Variants in USP37 observed in about 807,000 individuals in gnomAD.
USP37 encodes the protein ubiquitin carboxyl-terminal hydrolase 37.
Under a neutral mutation model 124.0 loss-of-function variants are expected in USP37, and 27 were observed. The ratio of observed to expected loss-of-function variants is 0.22; its 90% confidence interval spans 0.16 to 0.30. The LOEUF is 0.30. Ranked by LOEUF, USP37 falls within the 10% of genes least tolerant of loss-of-function variation. The probability of loss-of-function intolerance (pLI) is 1.00; values close to 1 mark genes in which losing one functional copy is unlikely to be tolerated. For missense variants in USP37, 889 were observed against 1,140.4 expected, an observed-to-expected ratio of 0.78 and a Z score of 3.17; for synonymous variants, 365 against 388.0, an observed-to-expected ratio of 0.94 and a Z score of 0.70.
Position 218,553,646 on chromosome 2 carries a change from T to C in USP37, c.235A>G (p.Asn79Asp). The C allele has an allele frequency of 6.2e-7, 1 of 1,614,114 alleles. No individual in the cohort carries two copies. Among genetic ancestry groups the C allele is most frequent in the Non-Finnish European group, 8.5e-7 (1 of 1,179,980 alleles). The change falls in exon 5 of 26, where the codon AAC (asparagine) becomes GAC (aspartate). Residue 79 changes from asparagine to aspartate, a missense_variant. Physicochemically the swap from Asn to Asp is conservative, Grantham distance 23. Coordinates refer to ENST00000258399, the MANE Select transcript of USP37 (RefSeq NM_020935.3). ...QSRLMLTLQD[N>D]SFLSIDKVPS... ...ACTTTGTCAATAGACAAGAAGCTGT[T>C]ATCTTGCAGAGTTAACATTAGGCGG...
chr2:218,548,526 T>G (rs1330929091), intron 6 of USP37, among the ~76,000 whole-genome samples: 6 of 150,940 alleles, frequency 4.0e-5, no homozygotes, highest in African/African-American at 1.5e-4. Flanking sequence ...TTTTTTTTTG[T>G]AGAGACAGGG....
intron 4 of USP37, 106 bp from the exon 5 acceptor site, chr2:218,553,830 C>T (rs1245966598): frequency 1.8e-6 from 2 of 1,117,434 alleles, no homozygotes; most frequent in Non-Finnish European, 2.4e-6. Context: ...ACATTTATCA[C>T]TCTTCCCCAC....
chr2:218,460,524 A>ATATG (rs1689960132), intron 22 of USP37, among the ~76,000 whole-genome samples: 1 of 152,214 alleles, frequency 6.6e-6, no homozygotes, highest in Non-Finnish European at 1.5e-5. Context: ...ATCCAATTTC[A>ATATG]CTAAATTCTA....
chr2:218,565,764 C>T (rs896896745), intron 1 of USP37, among the ~76,000 whole-genome samples: 1 of 152,096 alleles, frequency 6.6e-6, no homozygotes, highest in African/African-American at 2.4e-5. Flanking sequence ...ATTACAAGTT[C>T]TGGGCTGGGT....
chr2:218,479,249 C>G (rs920058829), intron 18 of USP37, among the ~76,000 whole-genome samples: 2 of 152,110 alleles, frequency 1.3e-5, no homozygotes, highest in African/African-American at 4.8e-5. Context: ...GACTGGCTAA[C>G]AACAGGTAAA....
intron 11 of USP37, among the ~76,000 whole-genome samples, chr2:218,509,105 G>A (rs1689841097): frequency 6.6e-6 from 1 of 152,170 alleles, no homozygotes; most frequent in Non-Finnish European, 1.5e-5. Flanking sequence ...ACTCTAGCCT[G>A]AATTACATTT....
chr2:218,558,789 G>T, intron 3 of USP37, 112 bp from the exon 4 acceptor site: 2 of 789,696 alleles, frequency 2.5e-6, no homozygotes, highest in South Asian at 1.8e-5. Flanking sequence ...TTTCTTCTGC[G>T]CCTTCATTTT....
intron 20 of USP37, among the ~76,000 whole-genome samples, chr2:218,470,095 C>T (rs990235952): frequency 6.6e-6 from 1 of 152,188 alleles, no homozygotes; most frequent in African/African-American, 2.4e-5. Flanking sequence ...GCTGGGATTA[C>T]AGGCGTGAGC....
intron 4 of USP37, among the ~76,000 whole-genome samples, chr2:218,556,790 G>A (rs1159817512): frequency 1.3e-5 from 2 of 151,930 alleles, no homozygotes; most frequent in East Asian, 3.9e-4. Context: ...TGGGATTACA[G>A]ACGTGAGCCA....
intron 11 of USP37, among the ~76,000 whole-genome samples, chr2:218,502,504 G>GA (rs1201810267): frequency 6.6e-6 from 1 of 151,828 alleles, no homozygotes; most frequent in Non-Finnish European, 1.5e-5. Flanking sequence ...AAAAAAATCT[G>GA]AAAAAATCAA....
At chr2:218,496,205 A>G (rs1689070385) in intron 13 of USP37, among the ~76,000 whole-genome samples, 1 of 152,086 alleles carries the variant, frequency 6.6e-6, no homozygotes, top group East Asian at 1.9e-4. Flanking sequence ...AGGCAGAAAA[A>G]TTTCTTGAAC....
intron 4 of USP37, 117 bp from the exon 5 acceptor site, chr2:218,553,841 A>G: frequency 1.9e-6 from 2 of 1,068,468 alleles, no homozygotes; most frequent in Non-Finnish European, 2.5e-6. Flanking sequence ...TCTTCCCCAC[A>G]GTAATTTAAT....
At chr2:218,476,569 T>A (rs1325720618) in intron 19 of USP37, among the ~76,000 whole-genome samples, 1 of 152,176 alleles carries the variant, frequency 6.6e-6, no homozygotes, top group East Asian at 1.9e-4. Flanking sequence ...AGCGATACCC[T>A]GTCTTAAAAA....
intron 14 of USP37, among the ~76,000 whole-genome samples, chr2:218,490,133 C>T (rs13400327): frequency 0.3 from 45,251 of 151,998 alleles, 7,838 homozygotes; most frequent in Non-Finnish European, 0.39. Context: ...GGGCGGATCA[C>T]GAGATCAGGA....
chr2:218,524,157 T>C (rs140834706), intron 10 of USP37, among the ~76,000 whole-genome samples: 1 of 152,350 alleles, frequency 6.6e-6, no homozygotes, highest in Admixed American at 6.5e-5. Flanking sequence ...TAGATTCAAC[T>C]GTTAAAATTT....
intron 23 of USP37, among the ~76,000 whole-genome samples, chr2:218,458,253 T>TAAAAAA (rs33911503): frequency 4.1e-4 from 29 of 70,930 alleles, no homozygotes; most frequent in East Asian, 2.0e-3. Context: ...AGACCTTGCC[T>TAAAAAA]AAAAAAAAAA....
At chr2:218,486,674 T>A (rs550612181) in intron 15 of USP37, among the ~76,000 whole-genome samples, 246 of 84,100 alleles carry the variant, frequency 2.9e-3, no homozygotes, top group African/African-American at 0.013. Context: ...TGGCCTCCCT[T>A]GGCCTCACCT....
chr2:218,493,891 C>G (rs1044292923), intron 14 of USP37, among the ~76,000 whole-genome samples: 3 of 152,142 alleles, frequency 2.0e-5, no homozygotes, highest in Non-Finnish European at 4.4e-5. Flanking sequence ...TTAAATTTTC[C>G]TATAAAAAAA....
chr2:218,462,762 A>G (rs1313381426), intron 22 of USP37, among the ~76,000 whole-genome samples: 2 of 152,136 alleles, frequency 1.3e-5, no homozygotes. Context: ...ATTTTGAAAA[A>G]AGCAAGCTGA....
Sources: gnomAD v4.1 joint callset for allele counts (sites outside exome capture counted in the v4.1 genomes callset) on GRCh38, gnomAD v4.1.1 for gene constraint, MANE v1.5 for transcripts, NCBI Gene and HGNC (gene_info 2026-07-23, HGNC 2026-07-21) for gene names.